The following OPCML variants were observed in gnomAD, a reference collection of about 807,000 sequenced individuals.
The protein encoded by OPCML is opioid-binding protein/cell adhesion molecule.
A neutral mutation model predicts 37.8 loss-of-function variants in OPCML; 13 were observed. That is an observed-to-expected ratio of 0.34 (90% CI 0.22 to 0.55). The LOEUF (loss-of-function observed/expected upper bound fraction) is 0.55, where lower values mean the gene tolerates loss of function less well. OPCML is among the 20% of genes least tolerant of loss of function. The probability of loss-of-function intolerance (pLI) is 0.91; values close to 1 mark genes in which losing one functional copy is unlikely to be tolerated. For missense variants in OPCML, 341 were observed against 435.6 expected (o/e 0.78, Z 1.93); for synonymous variants, 176 against 168.8 (o/e 1.04, Z -0.33).
intron 3 of OPCML, among the ~76,000 whole-genome samples, chr11:132,622,763 T>C (rs769334778): frequency 6.6e-6 from 1 of 152,184 alleles, no homozygotes; most frequent in Non-Finnish European, 1.5e-5. Flanking sequence ...ACATTGCGCT[T>C]TGGAGGCTGT....
intron 1 of OPCML, among the ~76,000 whole-genome samples, chr11:133,203,653 A>C (rs1938899490): frequency 2.6e-5 from 4 of 152,220 alleles, no homozygotes; most frequent in Admixed American, 6.5e-5. Context: ...ATGATTATAA[A>C]ATTTTGGATT....
At chr11:133,158,713 AAAATAAAAT>A (rs998425882) in intron 1 of OPCML, among the ~76,000 whole-genome samples, 88 of 33,324 alleles carry the variant, frequency 2.6e-3, no homozygotes, top group Middle Eastern at 0.015. Flanking sequence ...TAAAATTAAA[AAAATAAAAT>A]AAAATAAAAT....
intron 2 of OPCML, among the ~76,000 whole-genome samples, chr11:132,821,318 C>A (rs1189009398): frequency 1.3e-5 from 2 of 152,192 alleles, no homozygotes; most frequent in Non-Finnish European, 2.9e-5. Context: ...CAAGGCAGAG[C>A]ACAGGCTCCT....
chr11:132,986,990 C>A (rs913294953), intron 1 of OPCML, among the ~76,000 whole-genome samples: 6 of 152,154 alleles, frequency 3.9e-5, no homozygotes, highest in Admixed American at 3.9e-4. Context: ...TGAGACGATG[C>A]GAATGTGGGA....
chr11:132,514,658 T>G (rs1453334492), intron 4 of OPCML, among the ~76,000 whole-genome samples: 1 of 152,172 alleles, frequency 6.6e-6, no homozygotes, highest in Non-Finnish European at 1.5e-5. Context: ...AATATTTTTT[T>G]GCCAAACTGC....
At chr11:132,684,175 A>G (rs556255471) in intron 2 of OPCML, among the ~76,000 whole-genome samples, 2 of 152,234 alleles carry the variant, frequency 1.3e-5, no homozygotes, top group African/African-American at 4.8e-5. Flanking sequence ...TAATTAATTT[A>G]TAATGCTTAA....
chr11:132,862,780 C>T (rs1049245999), intron 2 of OPCML, among the ~76,000 whole-genome samples: 6 of 152,232 alleles, frequency 3.9e-5, no homozygotes, highest in African/African-American at 1.4e-4. Context: ...AGAAAAAAGC[C>T]CCTGGCAGCT....
intron 1 of OPCML, among the ~76,000 whole-genome samples, chr11:133,284,360 G>A (rs553824664): frequency 1.2e-4 from 18 of 152,258 alleles, no homozygotes; most frequent in African/African-American, 2.9e-4. Flanking sequence ...TCTTGGCAGC[G>A]GACACTGAAA....
At chr11:133,037,435 T>C (rs1200510432) in intron 1 of OPCML, among the ~76,000 whole-genome samples, 1 of 152,180 alleles carries the variant, frequency 6.6e-6, no homozygotes, top group Non-Finnish European at 1.5e-5. Flanking sequence ...ATTATTGCAT[T>C]GGGTAGGAGG....
chr11:133,128,792 G>C (rs993908909), intron 1 of OPCML, among the ~76,000 whole-genome samples: 1 of 152,088 alleles, frequency 6.6e-6, no homozygotes, highest in Non-Finnish European at 1.5e-5. Context: ...AGGGAGAGCT[G>C]TTACTGTGAC....
At chr11:132,580,127 C>T (rs1048704341) in intron 3 of OPCML, among the ~76,000 whole-genome samples, 8 of 152,232 alleles carry the variant, frequency 5.3e-5, no homozygotes, top group Non-Finnish European at 8.8e-5. Context: ...CATGGGACAA[C>T]GCAGGCTCTG....
intron 2 of OPCML, among the ~76,000 whole-genome samples, chr11:132,662,164 T>A (rs901729758): frequency 6.6e-6 from 1 of 151,408 alleles, no homozygotes; most frequent in Non-Finnish European, 1.5e-5. Context: ...CAAAAACAGA[T>A]TGCTGAAGCC....
chr11:133,246,950 C>G (rs1940945723), intron 1 of OPCML, among the ~76,000 whole-genome samples: 3 of 152,210 alleles, frequency 2.0e-5, no homozygotes, highest in Admixed American at 2.0e-4. Context: ...ACTTCCAGGT[C>G]TCTTGGGCTA....
At chr11:133,123,761 G>A (rs545904946) in intron 1 of OPCML, among the ~76,000 whole-genome samples, 3 of 152,152 alleles carry the variant, frequency 2.0e-5, no homozygotes, top group South Asian at 2.1e-4. Context: ...TTGTTCATTC[G>A]GATTCAGCAC....
intron 2 of OPCML, among the ~76,000 whole-genome samples, chr11:132,741,398 G>A (rs975710601): frequency 4.6e-5 from 7 of 152,130 alleles, no homozygotes; most frequent in African/African-American, 1.7e-4. Context: ...ATATTAGAAA[G>A]AACTTGATCC....
intron 1 of OPCML, among the ~76,000 whole-genome samples, chr11:133,283,424 C>T (rs892002389): frequency 9.2e-5 from 14 of 151,990 alleles, no homozygotes; most frequent in African/African-American, 3.1e-4. Flanking sequence ...CACCCCACCC[C>T]ACACTGCTTA....
chr11:132,585,306 G>A (rs1319492614), intron 3 of OPCML, among the ~76,000 whole-genome samples: 1 of 151,936 alleles, frequency 6.6e-6, no homozygotes, highest in Admixed American at 6.6e-5. Flanking sequence ...AAAAAATACT[G>A]ATTGGTTAAT....
chr11:132,643,333 C>G (rs542035941), intron 3 of OPCML, among the ~76,000 whole-genome samples: 1 of 152,172 alleles, frequency 6.6e-6, no homozygotes, highest in Non-Finnish European at 1.5e-5. Flanking sequence ...TCAGGCAGAG[C>G]GGTCGGAGAG....
At chr11:132,570,760 T>TAC (rs1235937624) in intron 3 of OPCML, among the ~76,000 whole-genome samples, 1 of 59,972 alleles carries the variant, frequency 1.7e-5, no homozygotes, top group Non-Finnish European at 3.0e-5. Flanking sequence ...AGAGAGTATA[T>TAC]ATATATATAT....
Sources: gnomAD v4.1 joint callset for allele counts (sites outside exome capture counted in the v4.1 genomes callset) on GRCh38, gnomAD v4.1.1 for gene constraint, MANE v1.5 for transcripts, NCBI Gene and HGNC (gene_info 2026-07-23, HGNC 2026-07-21) for gene names.